FHIT: variants seen among roughly 807,000 people sequenced by gnomAD.
The protein encoded by FHIT is fragile histidine triad diadenosine triphosphatase.
In FHIT, 19 loss-of-function variants were observed where a neutral mutation model predicts 17.9. The ratio of observed to expected loss-of-function variants is 1.06; its 90% CI spans 0.74 to 1.56. The LOEUF (loss-of-function observed/expected upper bound fraction) is 1.56. Ranked by LOEUF, FHIT falls within the 40% of genes most tolerant of loss-of-function variation. The probability of loss-of-function intolerance (pLI) is 0.00; values close to 1 mark genes in which losing one functional copy is unlikely to be tolerated. For synonymous variants in FHIT, 81 were observed against 69.7 expected, an observed-to-expected ratio of 1.16 and a Z score of -0.81; for missense variants, 248 against 189.2, an observed-to-expected ratio of 1.31 and a Z score of -1.82.
intron 2 of FHIT, among the ~76,000 whole-genome samples, chr3:61,093,778 C>T (rs2035555170): frequency 6.6e-6 from 1 of 152,222 alleles, no homozygotes; most frequent in African/African-American, 2.4e-5. Context: ...CAAATCATTA[C>T]AGATGCCCAC....
rs575865555 is a variant in FHIT at position 60,838,449 on chromosome 3, G to A, written c.-110-16438C>T. On this transcript the variant is annotated intron_variant, in intron 3 of 9. Coordinates refer to ENST00000492590, the MANE Select transcript of FHIT (RefSeq NM_002012.4). ...ATCGCGCCACCGCACTCCAGCCTGG[G>A]CGACAGAGCAAGACTCCGTCTCAAA... Among the ~76,000 whole-genome samples, 6 of 152,306 alleles carry A rather than the reference G, an allele frequency of 3.9e-5. No individual in the cohort carries two copies. In the South Asian group the frequency reaches 1.0e-3, roughly 26 times the overall value.
At chr3:59,967,389 G>A (rs1707976146) in intron 7 of FHIT, among the ~76,000 whole-genome samples, 2 of 152,078 alleles carry the variant, frequency 1.3e-5, no homozygotes, top group Non-Finnish European at 2.9e-5. Flanking sequence ...TTATACGACT[G>A]GCAGCATAGC....
chr3:60,793,230 G>T (rs573285992), intron 4 of FHIT, among the ~76,000 whole-genome samples: 39 of 152,036 alleles, frequency 2.6e-4, no homozygotes, highest in Admixed American at 7.2e-4. Flanking sequence ...ATTCAAAGTG[G>T]AATACAATGT....
chr3:60,131,030 T>TATATAC (rs1699563042), intron 5 of FHIT, among the ~76,000 whole-genome samples: 2 of 71,734 alleles, frequency 2.8e-5, no homozygotes, highest in South Asian at 9.9e-4. Flanking sequence ...CATATATACA[T>TATATAC]ATGTGTATAT....
At chr3:59,971,835 C>T (rs113652653) in intron 7 of FHIT, among the ~76,000 whole-genome samples, 7 of 152,198 alleles carry the variant, frequency 4.6e-5, no homozygotes, top group African/African-American at 1.2e-4. Flanking sequence ...GCAGATGAAA[C>T]GAGTTACCAC....
intron 5 of FHIT, among the ~76,000 whole-genome samples, chr3:60,347,368 T>A (rs1710833137): frequency 6.6e-6 from 1 of 152,166 alleles, no homozygotes; most frequent in Non-Finnish European, 1.5e-5. Context: ...AGACAGTAAG[T>A]TGTCTGCAAA....
chr3:61,090,782 G>T (rs756476706), intron 2 of FHIT, among the ~76,000 whole-genome samples: 1 of 152,122 alleles, frequency 6.6e-6, no homozygotes, highest in East Asian at 1.9e-4. Flanking sequence ...CAAAAATAAC[G>T]TTTTTCCCCT....
intron 5 of FHIT, among the ~76,000 whole-genome samples, chr3:60,287,357 C>T (rs927659995): frequency 2.0e-5 from 3 of 151,928 alleles, no homozygotes; most frequent in Admixed American, 6.6e-5. Context: ...TTAGTAGAGA[C>T]GGGCTTTCAC....
At chr3:60,279,578 T>C (rs938614107) in intron 5 of FHIT, among the ~76,000 whole-genome samples, 11 of 152,026 alleles carry the variant, frequency 7.2e-5, no homozygotes, top group African/African-American at 2.4e-4. Context: ...CATTACTCTA[T>C]AGCAAAATCA....
At chr3:60,560,857 A>AGT (rs1559540579) in intron 4 of FHIT, among the ~76,000 whole-genome samples, 2 of 143,106 alleles carry the variant, frequency 1.4e-5, no homozygotes, top group East Asian at 2.0e-4. Flanking sequence ...AGAGAGAGAG[A>AGT]GTGTGTGTGT....
At chr3:60,217,171 A>G (rs1489788340) in intron 5 of FHIT, among the ~76,000 whole-genome samples, 1 of 152,208 alleles carries the variant, frequency 6.6e-6, no homozygotes, top group Non-Finnish European at 1.5e-5. Context: ...ATACACAATT[A>G]CAAGCTTCCT....
chr3:60,945,552 C>A (rs1265938381), intron 3 of FHIT, among the ~76,000 whole-genome samples: 1 of 152,026 alleles, frequency 6.6e-6, no homozygotes, highest in African/African-American at 2.4e-5. Flanking sequence ...ATCACCATGC[C>A]CCGCTTATTT....
intron 5 of FHIT, among the ~76,000 whole-genome samples, chr3:60,442,760 T>C (rs2031001635): frequency 6.6e-6 from 1 of 152,162 alleles, no homozygotes; most frequent in Admixed American, 6.6e-5. Flanking sequence ...ATGCGGGCTC[T>C]TTTTTGGTCC....
chr3:59,912,922 A>G (rs1044119182), intron 8 of FHIT, among the ~76,000 whole-genome samples: 11 of 152,236 alleles, frequency 7.2e-5, no homozygotes, highest in Non-Finnish European at 1.5e-5. Flanking sequence ...AGGGCAAGCA[A>G]AAGTATTTAA....
At chr3:60,009,271 C>A in intron 7 of FHIT, among the ~76,000 whole-genome samples, 1 of 145,828 alleles carries the variant, frequency 6.9e-6, no homozygotes, top group African/African-American at 2.5e-5. Flanking sequence ...ACAAACGAGT[C>A]AAGATATCCC....
intron 5 of FHIT, among the ~76,000 whole-genome samples, chr3:60,112,952 C>T (rs1704744078): frequency 6.6e-6 from 1 of 152,204 alleles, no homozygotes; most frequent in African/African-American, 2.4e-5. Context: ...CCATGGAATG[C>T]TATGGGCTGA....
At chr3:59,923,221 C>CAAAAAAA (rs532237239) in intron 7 of FHIT, among the ~76,000 whole-genome samples, 7 of 67,486 alleles carry the variant, frequency 1.0e-4, no homozygotes, top group Middle Eastern at 0.012. Context: ...CGAGACTCCT[C>CAAAAAAA]AAAAAAAAAA....
intron 5 of FHIT, among the ~76,000 whole-genome samples, chr3:60,156,260 G>C (rs998559878): frequency 2.0e-5 from 3 of 151,780 alleles, no homozygotes; most frequent in African/African-American, 7.3e-5. Flanking sequence ...TGAGGCAGGA[G>C]AGTTGCTTGA....
At chr3:60,626,165 A>C (rs2039280339) in intron 4 of FHIT, among the ~76,000 whole-genome samples, 1 of 152,046 alleles carries the variant, frequency 6.6e-6, no homozygotes, top group African/African-American at 2.4e-5. Flanking sequence ...AAATCCTCCA[A>C]GTTCGCACTT....
Sources: allele counts gnomAD v4.1 joint callset (sites outside exome capture counted in the v4.1 genomes callset), GRCh38; gene constraint gnomAD v4.1.1; transcripts MANE v1.5; gene names NCBI Gene and HGNC (gene_info 2026-07-23, HGNC 2026-07-21).